The following CDH20 variants were observed in gnomAD, a reference collection of about 807,000 sequenced individuals.
CDH20 encodes cadherin 20, also known as cadherin-20.
Under a neutral mutation model 74.2 loss-of-function variants are expected in CDH20, and 29 were observed. The observed-to-expected ratio is 0.39, with a 90% CI of 0.29 to 0.53. CDH20 has a LOEUF of 0.53. CDH20 is among the 20% of genes least tolerant of loss of function. The pLI is 0.69. For missense variants in CDH20, 988 were observed against 1,048.3 expected (o/e 0.94, Z 0.79); for synonymous variants, 469 against 405.4 (o/e 1.16, Z -1.88).
At chr18:61,363,655 C>G (rs1910769112) in intron 1 of CDH20, among the ~76,000 whole-genome samples, 1 of 152,114 alleles carries the variant, frequency 6.6e-6, no homozygotes, top group African/African-American at 2.4e-5. Flanking sequence ...TGCTTGTGTT[C>G]TGGACTTGTG....
intron 11 of CDH20, 114 bp from the exon 12 acceptor site, chr18:61,554,076 A>G: frequency 7.9e-7 from 1 of 1,263,582 alleles, no homozygotes; most frequent in Non-Finnish European, 1.1e-6. Context: ...GCTATCTCTG[A>G]GCCCTCCACT....
At chr18:61,334,106 G>A (rs1909666105) in intron 1 of CDH20, among the ~76,000 whole-genome samples, 1 of 152,142 alleles carries the variant, frequency 6.6e-6, no homozygotes. Context: ...GGTGGAGGAC[G>A]TGGCGCGCTG....
chr18:61,458,833 A>T (rs1363433597), intron 1 of CDH20, among the ~76,000 whole-genome samples: 1 of 152,240 alleles, frequency 6.6e-6, no homozygotes, highest in Non-Finnish European at 1.5e-5. Context: ...TTTTATGTTA[A>T]TTGCATAAAG....
At chr18:61,500,102 T>TAAAAAAAAAAAAAAAAAAAAAAA (rs534695760) in intron 3 of CDH20, among the ~76,000 whole-genome samples, 1 of 56,530 alleles carries the variant, frequency 1.8e-5, no homozygotes, top group Non-Finnish European at 3.7e-5. Flanking sequence ...GACTCCATCT[T>TAAAAAAAAAAAAAAAAAAAAAAA]AAAAAAAAAA....
At chr18:61,443,036 G>T (rs1909083572) in intron 1 of CDH20, among the ~76,000 whole-genome samples, 1 of 152,178 alleles carries the variant, frequency 6.6e-6, no homozygotes, top group Non-Finnish European at 1.5e-5. Flanking sequence ...ACGATAAGTT[G>T]TAAGTACTTT....
chr18:61,384,081 G>T (rs571523777), intron 1 of CDH20, among the ~76,000 whole-genome samples: 24 of 152,230 alleles, frequency 1.6e-4, no homozygotes, highest in African/African-American at 5.3e-4. Context: ...AGAGAAACAG[G>T]GGGTGGTGGT....
intron 2 of CDH20, among the ~76,000 whole-genome samples, chr18:61,496,517 G>A (rs1012802654): frequency 2.4e-4 from 36 of 152,114 alleles, no homozygotes; most frequent in African/African-American, 7.7e-4. Context: ...CACGGAAAGC[G>A]AAGGCCTCAC....
intron 1 of CDH20, among the ~76,000 whole-genome samples, chr18:61,488,077 C>CATATATATATATAT (rs1406801129): frequency 1.3e-4 from 1 of 7,832 alleles, no homozygotes; most frequent in African/African-American, 2.5e-4. Flanking sequence ...AGAATACGTA[C>CATATATATATATAT]ATACATATAT....
intron 1 of CDH20, among the ~76,000 whole-genome samples, chr18:61,479,022 T>A (rs1002897443): frequency 6.6e-6 from 1 of 152,020 alleles, no homozygotes; most frequent in African/African-American, 2.4e-5. Context: ...TACACTGATA[T>A]ATCCATTCTG....
At chr18:61,509,239 A>C (rs1288829509) in intron 6 of CDH20, among the ~76,000 whole-genome samples, 2 of 152,214 alleles carry the variant, frequency 1.3e-5, no homozygotes, top group Non-Finnish European at 2.9e-5. Flanking sequence ...AAAATTAAAT[A>C]AATAAATTGG....
At chr18:61,537,435 T>C (rs1015049588) in intron 8 of CDH20, among the ~76,000 whole-genome samples, 3 of 152,216 alleles carry the variant, frequency 2.0e-5, no homozygotes, top group Non-Finnish European at 4.4e-5. Flanking sequence ...TACTTAAGTG[T>C]CTAATAATAG....
At chr18:61,541,593 C>T (rs1339705489) in intron 9 of CDH20, among the ~76,000 whole-genome samples, 1 of 152,020 alleles carries the variant, frequency 6.6e-6, no homozygotes, top group Non-Finnish European at 1.5e-5. Context: ...TCAGTCTGTC[C>T]CATTTGTCAC....
At chr18:61,498,612 C>A (rs895799569) in intron 2 of CDH20, among the ~76,000 whole-genome samples, 1 of 152,162 alleles carries the variant, frequency 6.6e-6, no homozygotes, top group Non-Finnish European at 1.5e-5. Context: ...CAAGCCCAGT[C>A]CTACCGAATG....
Position 61,539,280 on chromosome 18 carries a change from G to A in CDH20, c.1530+135G>A, listed in dbSNP as rs138980097. The A allele has an allele frequency of 1.8e-3, 1,577 of 856,892 alleles. 21 individuals are homozygous for A. In the African/African-American group the frequency reaches 0.022, roughly 12 times the overall value. 53.1% of individuals were successfully genotyped at this position (856,892 alleles called of 1,614,324 possible). A position where few individuals can be genotyped will look rare whatever the true frequency, so the allele number is the denominator to read the frequency against. On this transcript the variant is annotated intron_variant, in intron 9 of 11. Transcript: ENST00000262717. ...TCACAAAACAGAGTCCCTAATTCCC[G>A]TATATCAGGTTTCAACCATTTATTT...
intron 1 of CDH20, among the ~76,000 whole-genome samples, chr18:61,456,427 A>G (rs1909572629): frequency 6.6e-6 from 1 of 152,012 alleles, no homozygotes. Context: ...GTTAAAACCT[A>G]CAAACCAAAT....
intron 1 of CDH20, among the ~76,000 whole-genome samples, chr18:61,356,295 C>T (rs1313709480): frequency 6.6e-6 from 1 of 152,186 alleles, no homozygotes; most frequent in Admixed American, 6.5e-5. Flanking sequence ...ACTTTTAAGA[C>T]ATTTTTAAAG....
chr18:61,547,718 T>TA (rs965300949), intron 10 of CDH20, among the ~76,000 whole-genome samples: 6 of 144,820 alleles, frequency 4.1e-5, no homozygotes, highest in Non-Finnish European at 9.1e-5. Flanking sequence ...GCCCCCCCAC[T>TA]ACACCCCCGC....
chr18:61,479,325 C>T (rs569670677), intron 1 of CDH20, among the ~76,000 whole-genome samples: 101 of 152,150 alleles, frequency 6.6e-4, no homozygotes, highest in African/African-American at 2.3e-3. Flanking sequence ...GTTATTTATT[C>T]GAGTATTTGC....
intron 1 of CDH20, among the ~76,000 whole-genome samples, chr18:61,348,286 C>G (rs1910197899): frequency 6.6e-6 from 1 of 152,130 alleles, no homozygotes; most frequent in Non-Finnish European, 1.5e-5. Context: ...ATCCTTTTCC[C>G]AAAAGATGGT....
Sources: allele counts gnomAD v4.1 joint callset (sites outside exome capture counted in the v4.1 genomes callset), GRCh38; gene constraint gnomAD v4.1.1; transcripts MANE v1.5; gene names NCBI Gene and HGNC (gene_info 2026-07-23, HGNC 2026-07-21).